The following ESR1 variants were observed in gnomAD, a reference collection of about 807,000 sequenced individuals.
The protein encoded by ESR1 is estrogen receptor 1.
A neutral mutation model predicts 52.7 loss-of-function variants in ESR1; 12 were observed. The observed-to-expected ratio is 0.23, with a 90% CI of 0.15 to 0.37. The LOEUF is 0.37. Among genes scored for constraint, ESR1 ranks in the 10% least tolerant of loss-of-function variants. ESR1 has a pLI of 1.00. For missense variants in ESR1, 584 were observed against 779.7 expected (o/e 0.75, Z 2.99); for synonymous variants, 305 against 316.8 (o/e 0.96, Z 0.39).
At chr6:151,794,745 T>C (rs1776522015) in intron 2 of ESR1, among the ~76,000 whole-genome samples, 2 of 152,192 alleles carry the variant, frequency 1.3e-5, no homozygotes, top group African/African-American at 2.4e-5. Flanking sequence ...TTTAAGTTTA[T>C]ATAGCTTGCT....
chr6:152,118,547 A>G (rs1226746498), intron 6 of ESR1: 1 of 148,746 alleles, frequency 6.7e-6, no homozygotes, highest in Non-Finnish European at 1.5e-5. Flanking sequence ...GAGACGAACA[A>G]TGAGAACACA....
intron 5 of ESR1, among the ~76,000 whole-genome samples, chr6:152,039,936 T>G (rs3020354): frequency 0.44 from 66,818 of 152,018 alleles, 16,645 homozygotes; most frequent in African/African-American, 0.67. Context: ...ATGCTGTGTG[T>G]AATGCCATGA....
At chr6:151,664,068 C>T (rs2076603510) in intron 1 of ESR1, among the ~76,000 whole-genome samples, 1 of 152,032 alleles carries the variant, frequency 6.6e-6, no homozygotes, top group South Asian at 2.1e-4. Flanking sequence ...TCTTTGATGC[C>T]ATCCCAGGTA....
intron 3 of ESR1, among the ~76,000 whole-genome samples, chr6:151,892,702 CA>C: frequency 6.6e-6 from 1 of 150,406 alleles, no homozygotes; most frequent in East Asian, 1.9e-4. Flanking sequence ...AGGAAGAGGC[CA>C]AAAAAGATAA....
chr6:151,746,076 GTCTCTATA>G (rs1783458131), intron 2 of ESR1, among the ~76,000 whole-genome samples: 2 of 152,152 alleles, frequency 1.3e-5, no homozygotes, highest in Admixed American at 1.3e-4. Context: ...ACTCCATTTT[GTCTCTATA>G]TCACATTTTT....
chr6:151,903,584 T>C (rs1797006382), intron 3 of ESR1, among the ~76,000 whole-genome samples: 1 of 152,092 alleles, frequency 6.6e-6, no homozygotes, highest in African/African-American at 2.4e-5. Flanking sequence ...ACCACTTATT[T>C]TCTTTAATTG....
At chr6:151,778,878 C>G (rs1450811060) in intron 2 of ESR1, among the ~76,000 whole-genome samples, 2 of 152,216 alleles carry the variant, frequency 1.3e-5, no homozygotes, top group East Asian at 3.9e-4. Context: ...CCTGGGTAAG[C>G]ACCTTTGGTC....
At chr6:152,063,360 C>T (rs111593523) in intron 6 of ESR1, among the ~76,000 whole-genome samples, 5 of 152,294 alleles carry the variant, frequency 3.3e-5, no homozygotes, top group African/African-American at 1.2e-4. Context: ...GACAGTACTG[C>T]TGGCTCAGGA....
upstream of ESR1, among the ~76,000 whole-genome samples, chr6:151,802,848 G>A (rs1777401106): frequency 6.6e-6 from 1 of 152,060 alleles, no homozygotes; most frequent in Admixed American, 6.5e-5. Flanking sequence ...AAAATTAGCT[G>A]GGTGTGGTGG....
chr6:151,841,456 C>A (rs1252374654), intron 1 of ESR1, among the ~76,000 whole-genome samples: 1 of 152,182 alleles, frequency 6.6e-6, no homozygotes, highest in Admixed American at 6.5e-5. Context: ...TTGGACTTCT[C>A]TGCCCCATTT....
chr6:151,792,882 T>C (rs1325190852), intron 2 of ESR1, among the ~76,000 whole-genome samples: 2 of 152,224 alleles, frequency 1.3e-5, no homozygotes, highest in African/African-American at 4.8e-5. Flanking sequence ...TTTTTAAAAA[T>C]GTTTTAGTCT....
chr6:151,831,012 C>G (rs899974382), intron 1 of ESR1, among the ~76,000 whole-genome samples: 2 of 152,198 alleles, frequency 1.3e-5, no homozygotes, highest in Non-Finnish European at 2.9e-5. Context: ...ATATGACTCT[C>G]AGCTCCATTA....
chr6:152,102,562 T>C lies in ESR1; in HGVS notation c.*3596T>C. ...AAGTTAATCCCCTGAAAACTTACTCTCAACTGGAGCAAATGAACTTTGGTC... is the reference window on the plus strand; with the variant it reads ...AAGTTAATCCCCTGAAAACTTACTCCCAACTGGAGCAAATGAACTTTGGTC... On this transcript the variant is annotated 3_prime_UTR_variant, in exon 8 of 8. Coordinates refer to ENST00000206249, the MANE Select transcript of ESR1 (RefSeq NM_000125.4). 4.6e-6 allele frequency: 1 copy of C among 217,218 alleles called. No homozygotes were observed. Among genetic ancestry groups the C allele is most frequent in the Non-Finnish European group, 9.3e-6 (1 of 107,862 alleles). The allele number at this position is 217,218 out of a possible 1,614,324, so 13.5% of individuals were successfully genotyped here.
chr6:152,091,898 T>C (rs2050213067), intron 6 of ESR1, among the ~76,000 whole-genome samples: 1 of 152,114 alleles, frequency 6.6e-6, no homozygotes, highest in African/African-American at 2.4e-5. Context: ...AAAAGGAAAT[T>C]GGTAGAAAGT....
At chr6:151,839,647 T>C (rs980813406) in intron 1 of ESR1, among the ~76,000 whole-genome samples, 1 of 152,204 alleles carries the variant, frequency 6.6e-6, no homozygotes, top group African/African-American at 2.4e-5. Flanking sequence ...ATACAGACAA[T>C]GGCATATTAG....
chr6:151,926,010 C>T (rs942929033), intron 3 of ESR1, among the ~76,000 whole-genome samples: 3 of 152,074 alleles, frequency 2.0e-5, no homozygotes, highest in Non-Finnish European at 2.9e-5. Context: ...TTTTCTTTTT[C>T]CACATCAATG....
chr6:151,895,833 G>A (rs982063878), intron 3 of ESR1, among the ~76,000 whole-genome samples: 1 of 152,056 alleles, frequency 6.6e-6, no homozygotes, highest in Non-Finnish European at 1.5e-5. Context: ...ATGGAGTTTT[G>A]CTCTTGTTGC....
intron 5 of ESR1, among the ~76,000 whole-genome samples, chr6:152,043,548 G>C (rs147126347): frequency 1.3e-5 from 2 of 152,332 alleles, no homozygotes; most frequent in East Asian, 3.9e-4. Context: ...GCAAACAGGG[G>C]TATTGAGGGT....
intron 5 of ESR1, among the ~76,000 whole-genome samples, chr6:152,022,010 T>C (rs538225748): frequency 6.6e-6 from 1 of 152,298 alleles, no homozygotes; most frequent in East Asian, 1.9e-4. Flanking sequence ...CTCATGTATG[T>C]CTTTATCAGC....
Sources: gnomAD v4.1 joint callset for allele counts (sites outside exome capture counted in the v4.1 genomes callset) on GRCh38, gnomAD v4.1.1 for gene constraint, MANE v1.5 for transcripts, NCBI Gene and HGNC (gene_info 2026-07-23, HGNC 2026-07-21) for gene names.